AGBL3: variants seen among roughly 807,000 people sequenced by gnomAD.
AGBL3 encodes cytosolic carboxypeptidase 3.
In AGBL3, 68 loss-of-function variants were observed where a neutral mutation model predicts 94.5. That is an observed-to-expected ratio of 0.72 (90% CI 0.59 to 0.88). The LOEUF (loss-of-function observed/expected upper bound fraction) is 0.88, where lower values mean the gene tolerates loss of function less well. Ranked by LOEUF, AGBL3 falls within the 40% of genes least tolerant of loss-of-function variation. AGBL3 has a pLI of 0.00. For missense variants in AGBL3, 934 were observed against 1,103.8 expected (o/e 0.85, Z 2.18); for synonymous variants, 354 against 370.7 (o/e 0.95, Z 0.52).
intron 13 of AGBL3, among the ~76,000 whole-genome samples, chr7:135,077,011 T>TG (rs775973038): frequency 1.3e-5 from 2 of 152,180 alleles, no homozygotes; most frequent in Non-Finnish European, 2.9e-5. Context: ...TGAGAGCCTG[T>TG]GGTATTTCAA....
At chr7:135,128,557 G>A in intron 16 of AGBL3, 1 of 768,738 alleles carries the variant, frequency 1.3e-6, no homozygotes, top group Admixed American at 1.7e-5. Context: ...GGATCTATTT[G>A]GATTTGCCAT....
chr7:135,089,326 T>C (rs1821586399), intron 15 of AGBL3, among the ~76,000 whole-genome samples: 2 of 152,244 alleles, frequency 1.3e-5, no homozygotes, highest in South Asian at 2.1e-4. Context: ...CAATTTCTCA[T>C]TGAATTCTTT....
chr7:135,131,775 A>T (rs1483675207), intron 16 of AGBL3, among the ~76,000 whole-genome samples: 1 of 152,112 alleles, frequency 6.6e-6, no homozygotes, highest in Non-Finnish European at 1.5e-5. Context: ...GTTTGAACAG[A>T]TCAATAAAAT....
intron 13 of AGBL3, among the ~76,000 whole-genome samples, chr7:135,077,036 T>C (rs1820516359): frequency 6.6e-6 from 1 of 152,176 alleles, no homozygotes; most frequent in Non-Finnish European, 1.5e-5. Flanking sequence ...GACTGCCTCT[T>C]CCTCTACCCC....
intron 15 of AGBL3, among the ~76,000 whole-genome samples, chr7:135,095,325 A>G (rs1822502475): frequency 6.6e-6 from 1 of 152,200 alleles, no homozygotes; most frequent in Non-Finnish European, 1.5e-5. Flanking sequence ...ACTCCAGTAT[A>G]ATAACAGTGG....
chr7:135,131,375 A>G (rs899255500), intron 16 of AGBL3, among the ~76,000 whole-genome samples: 1 of 152,146 alleles, frequency 6.6e-6, no homozygotes, highest in African/African-American at 2.4e-5. Flanking sequence ...AAACCACCAT[A>G]GCACACATAT....
At chr7:135,017,849 C>A (rs1317982828) in intron 5 of AGBL3, among the ~76,000 whole-genome samples, 2 of 152,146 alleles carry the variant, frequency 1.3e-5, no homozygotes, top group African/African-American at 4.8e-5. Context: ...AAACAACTCA[C>A]AAAAATATAC....
intron 12 of AGBL3, among the ~76,000 whole-genome samples, chr7:135,073,471 AAAATAAATAAATAAAT>A (rs138457438): frequency 3.1e-4 from 39 of 126,156 alleles, no homozygotes; most frequent in Admixed American, 1.6e-3. Flanking sequence ...ACTCCGTCTC[AAAATAAATAAATAAAT>A]AAATAAATAA....
intron 4 of AGBL3, among the ~76,000 whole-genome samples, chr7:135,008,079 G>C (rs4270900): frequency 0.92 from 139,867 of 152,038 alleles, 65,363 homozygotes; most frequent in Non-Finnish European, 1. Flanking sequence ...TCTACAGATT[G>C]AATGCAATTT....
intron 15 of AGBL3, among the ~76,000 whole-genome samples, chr7:135,104,470 G>T (rs1321559107): frequency 6.6e-6 from 1 of 152,094 alleles, no homozygotes; most frequent in African/African-American, 2.4e-5. Flanking sequence ...AGGTTGAGTG[G>T]TAATTCTGTT....
chr7:135,002,543 C>T (rs1450766214), intron 4 of AGBL3, among the ~76,000 whole-genome samples: 1 of 152,142 alleles, frequency 6.6e-6, no homozygotes, highest in Admixed American at 6.5e-5. Flanking sequence ...CACCACAACT[C>T]ACATTATTAG....
At chr7:135,098,790 T>C (rs1271559227) in intron 15 of AGBL3, among the ~76,000 whole-genome samples, 3 of 152,190 alleles carry the variant, frequency 2.0e-5, no homozygotes, top group Admixed American at 6.5e-5. Flanking sequence ...TACTTTATCA[T>C]GGGACACTAA....
At position 135,059,167 on chromosome 7, in the gene AGBL3, A is replaced by T; in HGVS notation, c.1842-2A>T. The T allele has an allele frequency of 1.3e-6, 2 of 1,549,178 alleles. No homozygotes were observed. The highest frequency in any genetic ancestry group is 1.7e-6 in the Non-Finnish European group (2 of 1,145,966). On this transcript the variant is annotated splice_acceptor_variant, in intron 11 of 16. Coordinates refer to ENST00000436302, the MANE Select transcript of AGBL3 (RefSeq NM_178563.4). LOFTEE classifies it high-confidence loss of function. The stretch of plus-strand genomic sequence containing the variant: ...TATAAACCAAAATTATTTTTTTTGT[A>T]GTAGCCGAGGCTCTGACAGTTCAGA...
rs570593647 is a variant in AGBL3, at chr7:135,072,477, C to T, written c.1909-3920C>T. Among the ~76,000 whole-genome samples, 19 of 152,194 alleles carry T rather than the reference C, an allele frequency of 1.2e-4. 1 individual carries two copies. In the South Asian group the frequency reaches 3.5e-3, roughly 28 times the overall value. Reference sequence around the variant, plus strand: ...GACACATGCACATGTATGTTTATTGCGGCACTATTCACAACAGCAAAGTCT... The same window carrying T: ...GACACATGCACATGTATGTTTATTGTGGCACTATTCACAACAGCAAAGTCT... On this transcript the variant is annotated intron_variant, in intron 12 of 16. Coordinates refer to ENST00000436302, the MANE Select transcript of AGBL3 (RefSeq NM_178563.4).
chr7:135,099,882 CTTT>C (rs34324217), intron 15 of AGBL3: 269 of 62,662 alleles, frequency 4.3e-3, no homozygotes, highest in African/African-American at 0.016. Context: ...CTGAGTTTCT[CTTT>C]TTTTTTTTTT....
At chr7:135,048,442 T>C (rs887090661) in intron 11 of AGBL3, among the ~76,000 whole-genome samples, 2 of 140,158 alleles carry the variant, frequency 1.4e-5, no homozygotes, top group Admixed American at 1.4e-4. Flanking sequence ...TCACTTAGAG[T>C]AGTATAGGCA....
intron 4 of AGBL3, among the ~76,000 whole-genome samples, chr7:135,005,076 CTA>C (rs1481979332): frequency 1.3e-5 from 2 of 151,684 alleles, no homozygotes; most frequent in East Asian, 3.8e-4. Flanking sequence ...CAATAATTTA[CTA>C]TATTGCTTTA....
chr7:135,130,479 T>G (rs1455257737), intron 16 of AGBL3, among the ~76,000 whole-genome samples: 1 of 152,136 alleles, frequency 6.6e-6, no homozygotes, highest in Non-Finnish European at 1.5e-5. Context: ...TTCGCTACTT[T>G]TGTTCCACAT....
intron 15 of AGBL3, among the ~76,000 whole-genome samples, chr7:135,086,928 G>C (rs1385059119): frequency 6.6e-6 from 1 of 151,902 alleles, no homozygotes; most frequent in Admixed American, 6.6e-5. Context: ...ACTGGTATTT[G>C]TTCTTCTTTA....
Sources: gnomAD v4.1 joint callset for allele counts (sites outside exome capture counted in the v4.1 genomes callset) on GRCh38, gnomAD v4.1.1 for gene constraint, MANE v1.5 for transcripts, NCBI Gene and HGNC (gene_info 2026-07-23, HGNC 2026-07-21) for gene names.